KIRREL3: variants seen among roughly 807,000 people sequenced by gnomAD.
KIRREL3 encodes the protein kirre like nephrin family adhesion molecule 3, also known as kin of IRRE-like protein 3.
Under a neutral mutation model 89.7 loss-of-function variants are expected in KIRREL3, and 36 were observed. The observed-to-expected ratio is 0.40, with a 90% CI of 0.31 to 0.53. KIRREL3 has a LOEUF of 0.53. KIRREL3 is among the 20% of genes least tolerant of loss of function. The pLI is 0.49. For missense variants in KIRREL3, 864 were observed against 1,056.6 expected (o/e 0.82, Z 2.53); for synonymous variants, 445 against 441.4 (o/e 1.01, Z -0.10).
At chr11:126,681,705 A>G (rs1346722440) in intron 1 of KIRREL3, 1 of 350,516 alleles carries the variant, frequency 2.9e-6, no homozygotes, top group African/African-American at 2.1e-5. Context: ...TGCCTCGTGT[A>G]TAGTAGGTGA....
At chr11:126,821,389 C>T (rs1943223736) in intron 1 of KIRREL3, among the ~76,000 whole-genome samples, 1 of 136,442 alleles carries the variant, frequency 7.3e-6, no homozygotes, top group African/African-American at 2.9e-5. Flanking sequence ...TTGGAAAGGG[C>T]TTACCTGGCC....
chr11:126,452,157 A>G (rs1050342242), intron 7 of KIRREL3, among the ~76,000 whole-genome samples: 1 of 152,246 alleles, frequency 6.6e-6, no homozygotes, highest in Non-Finnish European at 1.5e-5. Context: ...AATATTGGGT[A>G]ATTATTAAGA....
chr11:126,852,288 A>G (rs4937212), intron 1 of KIRREL3, among the ~76,000 whole-genome samples: 129,057 of 152,046 alleles, frequency 0.85, 54,967 homozygotes, highest in East Asian at 1. Flanking sequence ...TTTCGACCTC[A>G]TGATCCACCC....
rs1455602217 is a variant in KIRREL3 at position 126,656,485 on chromosome 11, C to T, written c.56-93573G>A. Reference sequence around the variant, plus strand: ...TAGATTTTTATAAAATGAGACTTCACGTGGAATCTCAACATACAAAATTGG... The same window carrying T: ...TAGATTTTTATAAAATGAGACTTCATGTGGAATCTCAACATACAAAATTGG... On this transcript the variant is annotated intron_variant, in intron 1 of 16. Coordinates refer to ENST00000525144, the MANE Select transcript of KIRREL3 (RefSeq NM_032531.4). This position sits in a 1 kb window ranked among gnomAD's most constrained non-coding sequence, Gnocchi z 4.0. Among the ~76,000 whole-genome samples the T allele has an allele frequency of 1.3e-5, 2 of 152,116 alleles. No homozygotes were observed. The highest frequency in any genetic ancestry group is 2.1e-4 in the South Asian group (1 of 4,820).
Position 126,565,915 on chromosome 11 carries a change from C to T in KIRREL3, c.56-3003G>A, listed in dbSNP as rs4935974. 0.27 allele frequency among the ~76,000 whole-genome samples: 40,525 copies of T among 151,870 alleles called. 5,922 individuals are homozygous for T. Among genetic ancestry groups the T allele is most frequent in the East Asian group, 0.51 (2,609 of 5,120 alleles). On this transcript the variant is annotated intron_variant, in intron 1 of 16. Coordinates refer to ENST00000525144, the MANE Select transcript of KIRREL3 (RefSeq NM_032531.4). The surrounding 1 kb of genome is among the most constrained non-coding windows in gnomAD (Gnocchi z 5.4). Reference sequence around the variant, plus strand: ...GGTTATTAGGAGAGAGATGATAGAACATGACAGAAAGAACAGGAATCTCTC... The same window carrying T: ...GGTTATTAGGAGAGAGATGATAGAATATGACAGAAAGAACAGGAATCTCTC...
At chr11:126,959,056 C>G (rs1314718787) in intron 1 of KIRREL3, among the ~76,000 whole-genome samples, 3 of 152,284 alleles carry the variant, frequency 2.0e-5, no homozygotes, top group South Asian at 4.1e-4. Flanking sequence ...CTCTCTCTCT[C>G]CCCTGAATAA....
At chr11:126,503,025 C>T (rs1232066957) in intron 4 of KIRREL3, among the ~76,000 whole-genome samples, 1 of 152,168 alleles carries the variant, frequency 6.6e-6, no homozygotes, top group African/African-American at 2.4e-5. Context: ...CTTTGCAGCG[C>T]TTAAGTAATA....
chr11:126,725,497 A>G (rs969187534), intron 1 of KIRREL3, among the ~76,000 whole-genome samples: 8 of 152,196 alleles, frequency 5.3e-5, no homozygotes, highest in African/African-American at 9.7e-5. Context: ...TTGCCTGTCC[A>G]TAAACAAAAA....
intron 1 of KIRREL3, among the ~76,000 whole-genome samples, chr11:126,792,274 C>G (rs1488375847): frequency 1.3e-5 from 2 of 152,170 alleles, no homozygotes; most frequent in Non-Finnish European, 2.9e-5. Context: ...GTTGTAAACA[C>G]AAGATGAAAT....
rs375364038 is a variant in KIRREL3, at chr11:126,811,351, C to T, written c.55+189104G>A. On this transcript the variant is annotated intron_variant, in intron 1 of 16. Transcript: ENST00000525144. This position sits in a 1 kb window ranked among gnomAD's most constrained non-coding sequence, Gnocchi z 4.3. ...CTACGAGGTCCTTGTCTGAATTCTC[C>T]GTGTGGTTGCTGGCCTGTAAGCTCC... Among the ~76,000 whole-genome samples, 42 of 152,262 alleles carry T rather than the reference C, an allele frequency of 2.8e-4. No individual in the cohort carries two copies. In the South Asian group the frequency reaches 6.0e-3, roughly 22 times the overall value.
chr11:126,798,755 A>G (rs1341122989), intron 1 of KIRREL3, among the ~76,000 whole-genome samples: 1 of 152,224 alleles, frequency 6.6e-6, no homozygotes, highest in African/African-American at 2.4e-5. Flanking sequence ...TAGAGAAACC[A>G]TACGGAGCAG....
intron 1 of KIRREL3, among the ~76,000 whole-genome samples, chr11:126,853,116 A>G (rs1944395408): frequency 6.6e-6 from 1 of 152,130 alleles, no homozygotes; most frequent in Non-Finnish European, 1.5e-5. Flanking sequence ...CTTTTTCCAA[A>G]TGCTATCAAT....
rs1469799129 is a variant in KIRREL3 at position 126,587,518 on chromosome 11, C to T, written c.56-24606G>A. ...CACCAACCCTGTAGCCTGCAGTCTTCACTGTGCTCTCGACTCCCCCAGCCT... is the reference window on the plus strand; with the variant it reads ...CACCAACCCTGTAGCCTGCAGTCTTTACTGTGCTCTCGACTCCCCCAGCCT... On this transcript the variant is annotated intron_variant, in intron 1 of 16. Transcript: ENST00000525144. This position sits in a 1 kb window ranked among gnomAD's most constrained non-coding sequence, Gnocchi z 5.2. 6.6e-6 allele frequency among the ~76,000 whole-genome samples: 1 copy of T among 152,204 alleles called. No homozygotes were observed. Among genetic ancestry groups the T allele is most frequent in the African/African-American group, 2.4e-5 (1 of 41,458 alleles).
rs530503044 is a variant in KIRREL3, at chr11:126,739,773, G to A, written c.56-176861C>T. Among the ~76,000 whole-genome samples the A allele has an allele frequency of 6.6e-6, 1 of 152,316 alleles. No homozygotes were observed. The highest frequency in any genetic ancestry group is 6.5e-5 in the Admixed American group (1 of 15,300). Reference sequence around the variant, plus strand: ...AACCGTAGCCAACACTGCAAATCAGGCAGCATGTATCAGAGTTTAAAAACC... The same window carrying A: ...AACCGTAGCCAACACTGCAAATCAGACAGCATGTATCAGAGTTTAAAAACC... On this transcript the variant is annotated intron_variant, in intron 1 of 16. Coordinates refer to ENST00000525144, the MANE Select transcript of KIRREL3 (RefSeq NM_032531.4). The surrounding 1 kb of genome is among the most constrained non-coding windows in gnomAD (Gnocchi z 5.5).
intron 1 of KIRREL3, among the ~76,000 whole-genome samples, chr11:126,619,397 C>T (rs1366244415): frequency 6.6e-6 from 1 of 152,118 alleles, no homozygotes; most frequent in Non-Finnish European, 1.5e-5. Context: ...CCTGCCATAG[C>T]GAGGGCTTTG....
chr11:126,801,306 A>G (rs1951025558), intron 1 of KIRREL3, among the ~76,000 whole-genome samples: 1 of 152,194 alleles, frequency 6.6e-6, no homozygotes, highest in Non-Finnish European at 1.5e-5. Flanking sequence ...TTTTTCATCA[A>G]TTCATTTACT....
chr11:126,711,621 C>T lies in KIRREL3; in HGVS notation c.56-148709G>A, dbSNP rs114138742. Among the ~76,000 whole-genome samples, 1,123 of 152,250 alleles carry T rather than the reference C, an allele frequency of 7.4e-3. 11 individuals are homozygous for T. The highest frequency in any genetic ancestry group is 0.025 in the African/African-American group (1,054 of 41,532). On this transcript the variant is annotated intron_variant, in intron 1 of 16. Transcript: ENST00000525144. Reference sequence around the variant, plus strand: ...TATTACATGAGTAGCTCCCAAATAGCATAATTAGTATCATGTTAGCTGTAA... The same window carrying T: ...TATTACATGAGTAGCTCCCAAATAGTATAATTAGTATCATGTTAGCTGTAA...
chr11:126,560,387 T>G (rs920003267), intron 2 of KIRREL3, among the ~76,000 whole-genome samples: 4 of 152,216 alleles, frequency 2.6e-5, no homozygotes, highest in African/African-American at 9.6e-5. Flanking sequence ...AGAGCAAACC[T>G]CTCATTGACT....
Position 126,553,006 on chromosome 11 carries a change from G to A in KIRREL3, c.133+9829C>T, listed in dbSNP as rs1202927238. Among the ~76,000 whole-genome samples the A allele has an allele frequency of 6.6e-6, 1 of 152,188 alleles. No individual in the cohort carries two copies. Among genetic ancestry groups the A allele is most frequent in the Non-Finnish European group, 1.5e-5 (1 of 68,036 alleles). On this transcript the variant is annotated intron_variant, in intron 2 of 16. Transcript: ENST00000525144. The surrounding 1 kb of genome is among the most constrained non-coding windows in gnomAD (Gnocchi z 4.7). ...TCCCCAGATCAGCCAGAAAAACAGA[G>A]GAAAAAGTCTAGTGGGGACACTAGT...
Sources: gnomAD v4.1 joint callset for allele counts (sites outside exome capture counted in the v4.1 genomes callset) on GRCh38, gnomAD v4.1.1 for gene constraint, Gnocchi (gnomAD v3.1) non-coding constraint, MANE v1.5 for transcripts, NCBI Gene and HGNC (gene_info 2026-07-23, HGNC 2026-07-21) for gene names.